GRM1: variants seen among roughly 807,000 people sequenced by gnomAD.
GRM1 encodes the protein glutamate metabotropic receptor 1, also known as metabotropic glutamate receptor 1.
Under a neutral mutation model 90.9 loss-of-function variants are expected in GRM1, and 33 were observed. The observed-to-expected ratio is 0.36, with a 90% confidence interval of 0.28 to 0.49. The LOEUF is 0.49. Ranked by LOEUF, GRM1 falls within the 20% of genes least tolerant of loss-of-function variation. The pLI is 0.99. For synonymous variants in GRM1, 700 were observed against 613.2 expected, an observed-to-expected ratio of 1.14 and a Z score of -2.09; for missense variants, 1,190 against 1,534.3, an observed-to-expected ratio of 0.78 and a Z score of 3.75.
intron 7 of GRM1, among the ~76,000 whole-genome samples, chr6:146,402,398 T>C (rs1480634498): frequency 6.6e-6 from 1 of 152,148 alleles, no homozygotes. Context: ...AAAAAGAATC[T>C]CAATGCTATG....
intron 1 of GRM1, among the ~76,000 whole-genome samples, chr6:146,085,222 A>C (rs1008869388): frequency 3.9e-5 from 6 of 152,126 alleles, no homozygotes; most frequent in African/African-American, 1.4e-4. Context: ...TTTTAAATAC[A>C]ATAGTGCATG....
In GRM1 at chr6:146,149,240, C is replaced by T. The variant is rs922747421; in HGVS notation, c.701-10108C>T. Among the ~76,000 whole-genome samples, 12 of 151,846 alleles carry T rather than the reference C, an allele frequency of 7.9e-5. 1 individual carries two copies. The highest frequency in any genetic ancestry group is 2.0e-4 in the Admixed American group (3 of 15,230). On this transcript the variant is annotated intron_variant, in intron 1 of 7. Transcript: ENST00000282753. ...ATCTTTAAACCTAAACACTAAAAGC[C>T]CCAAAATAAAAAAGAGAAGGACTTT...
At chr6:146,232,546 T>C (rs981634026) in intron 2 of GRM1, among the ~76,000 whole-genome samples, 2 of 152,066 alleles carry the variant, frequency 1.3e-5, no homozygotes, top group Admixed American at 6.6e-5. Flanking sequence ...AATTATGCTC[T>C]TTTAGTTATT....
chr6:146,326,603 AT>A (rs1251816388), intron 3 of GRM1, among the ~76,000 whole-genome samples: 43 of 152,166 alleles, frequency 2.8e-4, no homozygotes, highest in African/African-American at 5.1e-4. Flanking sequence ...TTAAAAAAAA[AT>A]AAAAGTGATA....
At chr6:146,276,792 AT>A (rs1244593310) in intron 2 of GRM1, among the ~76,000 whole-genome samples, 1 of 152,152 alleles carries the variant, frequency 6.6e-6, no homozygotes, top group Non-Finnish European at 1.5e-5. Context: ...TTTTATCTTA[AT>A]GTTCTTGAGT....
At chr6:146,407,592 T>C (rs1354815200) in intron 7 of GRM1, among the ~76,000 whole-genome samples, 2 of 152,212 alleles carry the variant, frequency 1.3e-5, no homozygotes, top group Non-Finnish European at 2.9e-5. Context: ...CTAAACTGAA[T>C]CCATAAATAT....
intron 7 of GRM1, among the ~76,000 whole-genome samples, chr6:146,432,281 T>C (rs362823): frequency 0.018 from 2,772 of 152,362 alleles, 38 homozygotes; most frequent in South Asian, 0.031. Flanking sequence ...AAACTTTAAC[T>C]GTTTTATCTA....
chr6:146,043,802 T>TAGATATAGATATAG (rs1554260537), intron 1 of GRM1, among the ~76,000 whole-genome samples: 20 of 142,892 alleles, frequency 1.4e-4, no homozygotes, highest in Non-Finnish European at 2.9e-4. Context: ...TATATATATA[T>TAGATATAGATATAG]ATATATATAA....
At chr6:146,231,126 C>A (rs1195752721) in intron 2 of GRM1, among the ~76,000 whole-genome samples, 2 of 152,100 alleles carry the variant, frequency 1.3e-5, no homozygotes, top group Non-Finnish European at 2.9e-5. Flanking sequence ...ATGTGCAACA[C>A]TGAGAGTGAA....
chr6:146,394,564 T>C (rs1177393233), intron 6 of GRM1, among the ~76,000 whole-genome samples: 1 of 152,140 alleles, frequency 6.6e-6, no homozygotes, highest in African/African-American at 2.4e-5. Flanking sequence ...AGTTTAAAAT[T>C]ACTAATGGGT....
At chr6:146,205,481 T>C (rs1296539802) in intron 2 of GRM1, among the ~76,000 whole-genome samples, 1 of 152,072 alleles carries the variant, frequency 6.6e-6, no homozygotes, top group Non-Finnish European at 1.5e-5. Context: ...TTCGAAAGGG[T>C]AAAGCAACGG....
intron 1 of GRM1, among the ~76,000 whole-genome samples, chr6:146,142,059 G>A (rs1434767576): frequency 6.6e-6 from 1 of 152,102 alleles, no homozygotes; most frequent in African/African-American, 2.4e-5. Flanking sequence ...AAGGGACTTG[G>A]GTGTTGTTAT....
intron 2 of GRM1, among the ~76,000 whole-genome samples, chr6:146,204,160 T>A (rs1417043226): frequency 1.3e-5 from 2 of 152,194 alleles, no homozygotes; most frequent in Non-Finnish European, 2.9e-5. Context: ...ATAAGGTGGA[T>A]TAGCAGGAAC....
At chr6:146,310,699 C>G (rs762093528) in intron 3 of GRM1, among the ~76,000 whole-genome samples, 2 of 152,164 alleles carry the variant, frequency 1.3e-5, no homozygotes, top group Admixed American at 6.5e-5. Flanking sequence ...TTTCCTGGAA[C>G]CTTACCTTAG....
In GRM1 at chr6:146,029,302, T is replaced by A. The variant is rs372829738; in HGVS notation, c.-216T>A. ...GGACTCGAATTCCCTTACAAACGCC[T>A]CCAGCTTGTAGAGGCGGTCGTGGAG... On this transcript the variant is annotated 5_prime_UTR_variant, in exon 1 of 8. Coordinates refer to ENST00000282753, the MANE Select transcript of GRM1 (RefSeq NM_001278064.2). 12 of 597,870 alleles carry A rather than the reference T, an allele frequency of 2.0e-5. No individual in the cohort carries two copies. Among genetic ancestry groups the A allele is most frequent in the African/African-American group, 9.3e-5 (5 of 53,742 alleles). The allele number at this position is 597,870 out of a possible 1,614,324, so 37.0% of individuals were successfully genotyped here.
At chr6:146,361,849 A>G (rs1387182937) in intron 5 of GRM1, among the ~76,000 whole-genome samples, 28 of 152,250 alleles carry the variant, frequency 1.8e-4, no homozygotes, top group Admixed American at 1.8e-3. Context: ...CTTCAAATGC[A>G]TATTTCAATT....
intron 1 of GRM1, among the ~76,000 whole-genome samples, chr6:146,125,394 T>A (rs1285397578): frequency 6.6e-6 from 1 of 152,036 alleles, no homozygotes; most frequent in African/African-American, 2.4e-5. Flanking sequence ...ATTTAGAACA[T>A]AGGGATATTT....
At chr6:146,268,569 G>A (rs1198066731) in intron 2 of GRM1, among the ~76,000 whole-genome samples, 1 of 152,100 alleles carries the variant, frequency 6.6e-6, no homozygotes, top group Non-Finnish European at 1.5e-5. Flanking sequence ...GTTGAATAAT[G>A]AGATAAATGA....
At chr6:146,159,916 TAAAAAAAA>T in intron 2 of GRM1, 2 of 64,028 alleles carry the variant, frequency 3.1e-5, no homozygotes, top group Non-Finnish European at 7.7e-5. Context: ...ACCTTAACTA[TAAAAAAAA>T]AAAAAAAAAA....
Sources: gnomAD v4.1 joint callset for allele counts (sites outside exome capture counted in the v4.1 genomes callset) on GRCh38, gnomAD v4.1.1 for gene constraint, MANE v1.5 for transcripts, NCBI Gene and HGNC (gene_info 2026-07-23, HGNC 2026-07-21) for gene names.